The following LRRC9 variants were observed in gnomAD, a reference collection of about 807,000 sequenced individuals.
The protein encoded by LRRC9 is leucine rich repeat containing 9.
A neutral mutation model predicts 63.2 loss-of-function variants in LRRC9; 122 were observed. The observed-to-expected ratio is 1.93, with a 90% confidence interval of 1.67 to 2.24. The LOEUF (loss-of-function observed/expected upper bound fraction) is 2.24. Ranked by LOEUF, LRRC9 falls within the 30% of genes most tolerant of loss-of-function variation. The probability of loss-of-function intolerance (pLI) is 0.00; values close to 1 mark genes in which losing one functional copy is unlikely to be tolerated. For synonymous variants in LRRC9, 366 were observed against 213.1 expected (o/e 1.72, Z -6.25); for missense variants, 1,071 against 627.7 (o/e 1.71, Z -7.55).
chr14:60,007,564 T>A (rs1462091287), intron 22 of LRRC9, among the ~76,000 whole-genome samples: 2 of 152,204 alleles, frequency 1.3e-5, no homozygotes, highest in East Asian at 3.8e-4. Flanking sequence ...ATTCCTGTTA[T>A]ATCTATATAG....
intron 15 of LRRC9, 39 bp downstream of exon 15, chr14:59,978,171 T>A (rs1374135452): frequency 1.4e-6 from 1 of 695,780 alleles, no homozygotes; most frequent in East Asian, 2.7e-5. Context: ...TAATTCTAAT[T>A]CCTTAAATGG....
chr14:60,044,355 A>G (rs160253), intron 29 of LRRC9, among the ~76,000 whole-genome samples: 114,442 of 152,012 alleles, frequency 0.75, 45,072 homozygotes, highest in Non-Finnish European at 0.87. Flanking sequence ...GCTTGTTTTT[A>G]CATTTCTTGT....
Position 59,938,884 on chromosome 14 carries a change from CATATATACACAT to C in LRRC9, c.726+322_726+333del, listed in dbSNP as rs1372688428. 7.3e-6 allele frequency among the ~76,000 whole-genome samples: 1 copy of C among 136,372 alleles called. No individual in the cohort carries two copies. The highest frequency in any genetic ancestry group is 2.2e-4 in the East Asian group (1 of 4,616). The allele number at this position is 136,372 out of a possible 152,430, so 89.5% of individuals were successfully genotyped here. A position where few individuals can be genotyped will look rare whatever the true frequency, so the allele number is the denominator to read the frequency against. ...GACTAGTGCCATATATATATACACACATATATACACATATATATACATATATACACATATGCA... is the reference window on the plus strand; with the variant it reads ...GACTAGTGCCATATATATATACACACATATATACATATATACACATATGCA... On this transcript the variant is annotated intron_variant, in intron 7 of 31. Transcript: ENST00000445360. The surrounding 1 kb of genome is among the most constrained non-coding windows in gnomAD (Gnocchi z 4.2).
intron 16 of LRRC9, among the ~76,000 whole-genome samples, chr14:59,984,044 G>A (rs867735220): frequency 9.2e-5 from 14 of 152,164 alleles, no homozygotes; most frequent in African/African-American, 3.4e-4. Flanking sequence ...TTGAGAAACA[G>A]TTCTACAATC....
Position 60,027,450 on chromosome 14 carries a change from T to C in LRRC9, c.3704-434T>C, listed in dbSNP as rs193119533. Among the ~76,000 whole-genome samples, 2 of 152,214 alleles carry C rather than the reference T, an allele frequency of 1.3e-5. No homozygotes were observed. The highest frequency in any genetic ancestry group is 2.4e-5 in the African/African-American group (1 of 41,568). On this transcript the variant is annotated intron_variant, in intron 27 of 31. Coordinates refer to ENST00000445360, the Ensembl canonical transcript of LRRC9. This position sits in a 1 kb window ranked among gnomAD's most constrained non-coding sequence, Gnocchi z 4.0. ...ATATGAGAAAGAACAGCATAATTAATGTGTATTCTTCTAACATAATACAAC... is the reference window on the plus strand; with the variant it reads ...ATATGAGAAAGAACAGCATAATTAACGTGTATTCTTCTAACATAATACAAC...
chr14:59,951,459 C>G (rs1273726010), intron 8 of LRRC9, among the ~76,000 whole-genome samples: 1 of 130,806 alleles, frequency 7.6e-6, no homozygotes, highest in African/African-American at 2.8e-5. Flanking sequence ...TCCCGTAGCT[C>G]AGAGTAATTT....
chr14:59,999,498 A>G (rs1889142103), intron 19 of LRRC9, among the ~76,000 whole-genome samples: 1 of 152,066 alleles, frequency 6.6e-6, no homozygotes, highest in South Asian at 2.1e-4. Flanking sequence ...TGAACTCACC[A>G]GAGCCCTTTC....
chr14:60,036,909 T>C (rs1892487846), intron 29 of LRRC9, among the ~76,000 whole-genome samples: 1 of 152,058 alleles, frequency 6.6e-6, no homozygotes, highest in Non-Finnish European at 1.5e-5. Flanking sequence ...ATGCTATCCC[T>C]CCCCACTCCC....
intron 29 of LRRC9, among the ~76,000 whole-genome samples, chr14:60,040,069 C>T (rs377020847): frequency 5.9e-5 from 9 of 152,006 alleles, no homozygotes; most frequent in South Asian, 2.1e-4. Context: ...TGTAGTTGAG[C>T]GGTTTTGAGT....
intron 23 of LRRC9, among the ~76,000 whole-genome samples, chr14:60,013,756 T>C (rs143538359): frequency 0.011 from 1,718 of 152,288 alleles, 15 homozygotes; most frequent in Middle Eastern, 0.024. Flanking sequence ...ATGTTTAGGA[T>C]ATCTTTTTCC....
intron 25 of LRRC9, 94 bp from the exon 26 acceptor site, chr14:60,019,027 T>C: frequency 1.9e-6 from 1 of 526,072 alleles, no homozygotes; most frequent in Non-Finnish European, 3.3e-6. Flanking sequence ...TTAGCACTAA[T>C]ATATTATTAA....
chr14:60,063,098 T>C (rs928718754), intron 31 of LRRC9, among the ~76,000 whole-genome samples: 4 of 152,182 alleles, frequency 2.6e-5, no homozygotes, highest in Admixed American at 1.3e-4. Context: ...TTTCACCATG[T>C]TGGCCAGGCT....
rs1890130018 is a variant in LRRC9, at chr14:59,936,268, T to C, written c.544-2122T>C. On this transcript the variant is annotated intron_variant, in intron 6 of 31. Transcript: ENST00000445360. This position sits in a 1 kb window ranked among gnomAD's most constrained non-coding sequence, Gnocchi z 4.2. ...TGTGACATAATATTTAAAAAGGCTT[T>C]TTATGGCATTATGACTATCATAAAA... Among the ~76,000 whole-genome samples, 1 of 152,226 alleles carries C rather than the reference T, an allele frequency of 6.6e-6. No homozygotes were observed. The highest frequency in any genetic ancestry group is 1.5e-5 in the Non-Finnish European group (1 of 68,032).
rs1399490959 is a variant in LRRC9 at position 59,942,314 on chromosome 14, G to A, written c.727-2275G>A. On this transcript the variant is annotated intron_variant, in intron 7 of 31. Coordinates refer to ENST00000445360, the Ensembl canonical transcript of LRRC9. The surrounding 1 kb of genome is among the most constrained non-coding windows in gnomAD (Gnocchi z 5.3). ...GTGCTGCAGTAAACGTGGGGGTGCA[G>A]GTATCCCTTTGATACACTGATTTCC... 1.3e-5 allele frequency among the ~76,000 whole-genome samples: 2 copies of A among 152,132 alleles called. No homozygotes were observed. Among genetic ancestry groups the A allele is most frequent in the East Asian group, 3.8e-4 (2 of 5,198 alleles).
chr14:59,946,524 A>G (rs1428081760), intron 8 of LRRC9, among the ~76,000 whole-genome samples: 8 of 147,328 alleles, frequency 5.4e-5, no homozygotes, highest in Admixed American at 6.8e-5. Flanking sequence ...TTTAAATTAT[A>G]CTTTAAGTTT....
chr14:60,055,167 G>C (rs1427696084), intron 30 of LRRC9, among the ~76,000 whole-genome samples: 4 of 152,180 alleles, frequency 2.6e-5, no homozygotes, highest in African/African-American at 9.6e-5. Flanking sequence ...GATTTTAAAA[G>C]TTTTACAATG....
chr14:60,026,630 T>C (rs1891576007), intron 27 of LRRC9, among the ~76,000 whole-genome samples: 1 of 152,030 alleles, frequency 6.6e-6, no homozygotes, highest in African/African-American at 2.4e-5. Flanking sequence ...TTTGAGGTAT[T>C]ACACAAGAAA....
rs1232585739 is a variant in LRRC9, at chr14:60,042,157, C to A, written c.3990+10094C>A. ...CAGCTGTATGAGGTGTCAGTCAGCC[C>A]CTACTGGGACGTGCCTCCCAGTTAG... On this transcript the variant is annotated intron_variant, in intron 29 of 31. Coordinates refer to ENST00000445360, the Ensembl canonical transcript of LRRC9. This position sits in a 1 kb window ranked among gnomAD's most constrained non-coding sequence, Gnocchi z 4.2. Among the ~76,000 whole-genome samples, 3 of 152,218 alleles carry A rather than the reference C, an allele frequency of 2.0e-5. No homozygotes were observed. The highest frequency in any genetic ancestry group is 1.3e-4 in the Admixed American group (2 of 15,282).
intron 29 of LRRC9, among the ~76,000 whole-genome samples, chr14:60,041,601 T>G (rs1892949309): frequency 6.6e-6 from 1 of 152,228 alleles, no homozygotes; most frequent in Admixed American, 6.5e-5. Flanking sequence ...ATCAGGTCAT[T>G]TAAGGACTTC....
Sources: allele counts gnomAD v4.1 joint callset (sites outside exome capture counted in the v4.1 genomes callset), GRCh38; gene constraint gnomAD v4.1.1; non-coding constraint Gnocchi (gnomAD v3.1); transcripts MANE v1.5; gene names NCBI Gene and HGNC (gene_info 2026-07-23, HGNC 2026-07-21).